SEMA3D: variants seen among roughly 807,000 people sequenced by gnomAD.
The protein encoded by SEMA3D is semaphorin-3D.
Under a neutral mutation model 100.1 loss-of-function variants are expected in SEMA3D, and 84 were observed. The observed-to-expected ratio is 0.84, with a 90% confidence interval of 0.70 to 1.01. SEMA3D has a LOEUF of 1.01. SEMA3D is among the 50% of genes least tolerant of loss of function. The pLI, the probability that SEMA3D is intolerant of heterozygous loss-of-function variation, is 0.00. For synonymous variants in SEMA3D, 312 were observed against 320.7 expected (o/e 0.97, Z 0.29); for missense variants, 875 against 934.1 (o/e 0.94, Z 0.82).
intron 3 of SEMA3D, among the ~76,000 whole-genome samples, chr7:85,103,631 TTC>T (rs1304252187): frequency 1.3e-5 from 2 of 152,036 alleles, no homozygotes; most frequent in Non-Finnish European, 2.9e-5. Flanking sequence ...ACCATAATTC[TTC>T]TTTTTCACTG....
chr7:85,236,377 G>A, the SEMA3D span, among the ~76,000 whole-genome samples: 78 of 150,644 alleles, frequency 5.2e-4, no homozygotes, highest in East Asian at 7.1e-3. Context: ...GCATGATCTC[G>A]GCTCACTGCA....
intron 3 of SEMA3D, among the ~76,000 whole-genome samples, chr7:85,115,611 T>C (rs1207189289): frequency 3.3e-5 from 5 of 152,166 alleles, no homozygotes; most frequent in Admixed American, 3.3e-4. Flanking sequence ...TCTATTCTTT[T>C]TCTTTTTAAG....
intron 1 of SEMA3D, among the ~76,000 whole-genome samples, chr7:85,169,428 T>G (rs1791023812): frequency 6.6e-6 from 1 of 151,842 alleles, no homozygotes; most frequent in South Asian, 2.1e-4. Context: ...CCTGACATTC[T>G]TTTGAATGAA....
At chr7:85,079,743 G>A (rs1398844616) in intron 5 of SEMA3D, among the ~76,000 whole-genome samples, 1 of 152,146 alleles carries the variant, frequency 6.6e-6, no homozygotes, top group Non-Finnish European at 1.5e-5. Context: ...TTTCCTTCTT[G>A]CCTCCTTATC....
chr7:85,159,772 C>T (rs1305544775), intron 1 of SEMA3D: 2 of 879,072 alleles, frequency 2.3e-6, no homozygotes, highest in Non-Finnish European at 2.7e-6. Context: ...GATGTAGCTG[C>T]AGAGCTATTC....
intron 2 of SEMA3D, chr7:85,140,593 A>G (rs1353014699): frequency 2.2e-6 from 2 of 924,018 alleles, no homozygotes; most frequent in African/African-American, 1.8e-5. Flanking sequence ...CTATATCTAT[A>G]TATCTCTATA....
chr7:85,202,054 T>G, the SEMA3D span, among the ~76,000 whole-genome samples: 17 of 151,718 alleles, frequency 1.1e-4, no homozygotes, highest in Middle Eastern at 3.4e-3. Flanking sequence ...ATTTATTTAT[T>G]ATTATTATTT....
the SEMA3D span, among the ~76,000 whole-genome samples, chr7:85,239,515 T>C: frequency 2.4e-4 from 37 of 152,256 alleles, no homozygotes; most frequent in African/African-American, 7.5e-4. Flanking sequence ...TGTGGCACAG[T>C]GTCATAGCAG....
Position 85,121,892 on chromosome 7 carries a change from G to C in SEMA3D, c.-1C>G. ...GTCTTTCATCTTTATTAGCATTCAT[G>C]ATGAAAACAATGTTCTCTTTCAAAT... On this transcript the variant is annotated 5_prime_UTR_variant, in exon 3 of 19. It adds an upstream start codon to the 5' untranslated region. Transcript: ENST00000284136. The C allele has an allele frequency of 6.4e-7, 1 of 1,553,222 alleles. No individual in the cohort carries two copies. The highest frequency in any genetic ancestry group is 8.8e-7 in the Non-Finnish European group (1 of 1,142,432).
intron 1 of SEMA3D, among the ~76,000 whole-genome samples, chr7:85,164,063 G>C (rs577882934): frequency 3.9e-5 from 6 of 152,150 alleles, no homozygotes; most frequent in African/African-American, 1.4e-4. Context: ...TTTTCAAAAT[G>C]CTAATTAGTT....
chr7:85,155,041 C>A (rs1048603467), intron 1 of SEMA3D, among the ~76,000 whole-genome samples: 2 of 151,960 alleles, frequency 1.3e-5, no homozygotes, highest in African/African-American at 4.8e-5. Flanking sequence ...TCTTGCATTG[C>A]AAAGTTTTTT....
At chr7:85,141,566 G>A in intron 2 of SEMA3D, 1 of 984,558 alleles carries the variant, frequency 1.0e-6, no homozygotes, top group Non-Finnish European at 1.2e-6. Flanking sequence ...AACTATTACT[G>A]AAATTTAAAT....
At chr7:85,199,524 T>A in the SEMA3D span, among the ~76,000 whole-genome samples, 1 of 152,196 alleles carries the variant, frequency 6.6e-6, no homozygotes, top group African/African-American at 2.4e-5. Flanking sequence ...TTTGACCTAC[T>A]GTACCTTGTC....
intron 2 of SEMA3D, among the ~76,000 whole-genome samples, chr7:85,135,266 A>C (rs758278778): frequency 5.9e-5 from 9 of 152,130 alleles, no homozygotes; most frequent in Non-Finnish European, 1.2e-4. Context: ...TATGACAATT[A>C]TTTCTTTCTT....
intron 8 of SEMA3D, among the ~76,000 whole-genome samples, chr7:85,063,917 C>G (rs1055010704): frequency 1.8e-4 from 28 of 152,242 alleles, no homozygotes; most frequent in African/African-American, 6.3e-4. Flanking sequence ...TCTATGCAGG[C>G]CACAAGGGTA....
intron 9 of SEMA3D, among the ~76,000 whole-genome samples, chr7:85,047,070 A>C (rs1272225762): frequency 1.3e-5 from 2 of 151,936 alleles, no homozygotes; most frequent in African/African-American, 4.8e-5. Flanking sequence ...ACATGTGTTC[A>C]ATTTGGGTGG....
chr7:85,052,139 AACTT>A lies in SEMA3D; in HGVS notation c.861+3574_861+3577del, dbSNP rs554458293. Among the ~76,000 whole-genome samples, 34 of 152,076 alleles carry A rather than the reference AACTT, an allele frequency of 2.2e-4. No homozygotes were observed. The South Asian group carries it at 2.5e-3, about 11-fold the overall frequency. On this transcript the variant is annotated intron_variant, in intron 9 of 18. Coordinates refer to ENST00000284136, the MANE Select transcript of SEMA3D (RefSeq NM_001384900.1). ...TACTTTCTATCTGAACTATCTCTTG[AACTT>A]ACTCTTAGTGCTTATCTCTTTGTTC...
At chr7:85,078,606 C>A (rs1787956289) in intron 5 of SEMA3D, among the ~76,000 whole-genome samples, 1 of 152,142 alleles carries the variant, frequency 6.6e-6, no homozygotes, top group South Asian at 2.1e-4. Flanking sequence ...AAGCAAAATA[C>A]TACCAAATAT....
chr7:85,068,131 G>A (rs1791676912), intron 7 of SEMA3D, 60 bp downstream of exon 7: 3 of 978,292 alleles, frequency 3.1e-6, no homozygotes, highest in Admixed American at 1.9e-5. Flanking sequence ...ATGCGGTTCA[G>A]TCAAAAAATA....
Sources: allele counts gnomAD v4.1 joint callset (sites outside exome capture counted in the v4.1 genomes callset), GRCh38; gene constraint gnomAD v4.1.1; transcripts MANE v1.5; gene names NCBI Gene and HGNC (gene_info 2026-07-23, HGNC 2026-07-21).